The following SPIRE1 variants were observed in gnomAD, a reference collection of about 807,000 sequenced individuals.
SPIRE1 encodes spire type actin nucleation factor 1.
Under a neutral mutation model 94.1 loss-of-function variants are expected in SPIRE1, and 40 were observed. The ratio of observed to expected loss-of-function variants is 0.43; its 90% CI spans 0.33 to 0.55. The LOEUF (loss-of-function observed/expected upper bound fraction) is 0.55. SPIRE1 is among the 20% of genes least tolerant of loss of function. The pLI, the probability that SPIRE1 is intolerant of heterozygous loss-of-function variation, is 0.06. For synonymous variants in SPIRE1, 376 were observed against 371.7 expected, an observed-to-expected ratio of 1.01 and a Z score of -0.13; for missense variants, 838 against 975.2, an observed-to-expected ratio of 0.86 and a Z score of 1.87.
chr18:12,516,221 G>A (rs144210019), intron 4 of SPIRE1: 1 of 152,192 alleles, frequency 6.6e-6, no homozygotes, highest in Non-Finnish European at 1.5e-5. Context: ...CATCCCATAC[G>A]GTTTGAGCAG....
chr18:12,651,692 A>C (rs544339780), intron 1 of SPIRE1, among the ~76,000 whole-genome samples: 2 of 152,144 alleles, frequency 1.3e-5, no homozygotes, highest in South Asian at 2.1e-4. Context: ...AAAACAAAAA[A>C]AACATATTTT....
intron 2 of SPIRE1, among the ~76,000 whole-genome samples, chr18:12,564,068 T>C (rs1365209221): frequency 1.3e-5 from 2 of 152,222 alleles, no homozygotes; most frequent in Non-Finnish European, 2.9e-5. Flanking sequence ...ACAAAAAGCA[T>C]AGTTTTACAA....
chr18:12,503,118 GAA>G lies in SPIRE1; in HGVS notation c.972+3357_972+3358del, dbSNP rs200503459. ...AGTGAGACTCTGTCTCAAAAAAAAA[GAA>G]AAAAAAAAAAAGGAAATACCCTGTG... On this transcript the variant is annotated intron_variant, in intron 6 of 16. Transcript: ENST00000409402. Among the ~76,000 whole-genome samples, 900 of 134,288 alleles carry G rather than the reference GAA, an allele frequency of 6.7e-3. 6 individuals are homozygous for G. The highest frequency in any genetic ancestry group is 0.022 in the African/African-American group (852 of 38,522). The allele number at this position is 134,288 out of a possible 152,430, so 88.1% of individuals were successfully genotyped here.
intron 5 of SPIRE1, 136 bp from the exon 6 acceptor site, chr18:12,506,777 A>G: frequency 1.1e-6 from 1 of 884,132 alleles, no homozygotes; most frequent in Non-Finnish European, 1.7e-6. Context: ...TTTAAAAATT[A>G]GATTTTGGGT....
intron 12 of SPIRE1, among the ~76,000 whole-genome samples, chr18:12,457,867 T>TG (rs1247861991): frequency 1.4e-5 from 2 of 145,888 alleles, no homozygotes; most frequent in East Asian, 4.0e-4. Flanking sequence ...TTTTTTGAGA[T>TG]GGAGTCTCGC....
chr18:12,559,462 G>A lies in SPIRE1; in HGVS notation c.373-12558C>T, dbSNP rs906647604. Among the ~76,000 whole-genome samples the A allele has an allele frequency of 4.6e-5, 7 of 152,102 alleles. No individual in the cohort carries two copies. The highest frequency in any genetic ancestry group is 2.1e-4 in the South Asian group (1 of 4,824). ...ACGCGCAGCCCTGGTTGCCACCCGCGCCTCTCCCTCCACACCTCCCTGCAA... is the reference window on the plus strand; with the variant it reads ...ACGCGCAGCCCTGGTTGCCACCCGCACCTCTCCCTCCACACCTCCCTGCAA... On this transcript the variant is annotated intron_variant, in intron 2 of 16. Coordinates refer to ENST00000409402, the MANE Select transcript of SPIRE1 (RefSeq NM_001128626.2). This position sits in a 1 kb window ranked among gnomAD's most constrained non-coding sequence, Gnocchi z 4.7.
At chr18:12,464,752 T>C (rs2032018549) in intron 11 of SPIRE1, 116 bp downstream of exon 11, 1 of 761,488 alleles carries the variant, frequency 1.3e-6, no homozygotes, top group Non-Finnish European at 2.2e-6. Flanking sequence ...GTGAAATGCC[T>C]GAGTTAGTTC....
upstream of SPIRE1, chr18:12,658,175 C>G: frequency 1.2e-6 from 1 of 827,576 alleles, no homozygotes; most frequent in Non-Finnish European, 1.6e-6. Flanking sequence ...CCTTAGGGGG[C>G]CGCACGGGCC....
At chr18:12,564,764 G>T (rs538570904) in intron 2 of SPIRE1, among the ~76,000 whole-genome samples, 190 of 152,068 alleles carry the variant, frequency 1.2e-3, no homozygotes, top group African/African-American at 4.5e-3. Flanking sequence ...GCAATCCTGA[G>T]AATTAAAAAA....
intron 2 of SPIRE1, among the ~76,000 whole-genome samples, chr18:12,571,259 G>A (rs926250135): frequency 6.6e-6 from 1 of 152,062 alleles, no homozygotes; most frequent in Admixed American, 6.6e-5. Flanking sequence ...ATTTTTAGTA[G>A]AGATGAGGTT....
At chr18:12,602,883 C>T (rs1191340484) in intron 2 of SPIRE1, among the ~76,000 whole-genome samples, 1 of 152,176 alleles carries the variant, frequency 6.6e-6, no homozygotes, top group African/African-American at 2.4e-5. Context: ...GGTCAACGGC[C>T]TAGTTATGTA....
At chr18:12,483,944 C>T (rs1172316521) in intron 9 of SPIRE1, among the ~76,000 whole-genome samples, 1 of 152,102 alleles carries the variant, frequency 6.6e-6, no homozygotes, top group Non-Finnish European at 1.5e-5. Context: ...TACATGAAGA[C>T]ATGAAATAAA....
chr18:12,533,961 ACACACAC>A (rs1414105294), intron 4 of SPIRE1, among the ~76,000 whole-genome samples: 5 of 151,590 alleles, frequency 3.3e-5, no homozygotes, highest in Non-Finnish European at 1.5e-5. Context: ...ACACACACAC[ACACACAC>A]AACTTATTTA....
intron 8 of SPIRE1, among the ~76,000 whole-genome samples, chr18:12,489,593 T>G (rs982370218): frequency 6.6e-6 from 1 of 152,142 alleles, no homozygotes; most frequent in Non-Finnish European, 1.5e-5. Flanking sequence ...CAAAGACTGA[T>G]GTACAAGAAT....
Position 12,479,587 on chromosome 18 carries a change from G to GA in SPIRE1, c.1404+111dup. The stretch of plus-strand genomic sequence containing the variant: ...AATTTTAATCCTAGCTTTACTGGTT[G>GA]AAAAATGGGAAGAGATTAAGCAACA... On this transcript the variant is annotated intron_variant, in intron 10 of 16. Transcript: ENST00000409402. 3.0e-6 allele frequency: 3 copies of GA among 1,013,678 alleles called. No homozygotes were observed. In the Admixed American group the frequency reaches 8.2e-5, roughly 28 times the overall value. The allele number at this position is 1,013,678 out of a possible 1,614,324, so 62.8% of individuals were successfully genotyped here.
At chr18:12,522,515 A>G (rs2034391480) in intron 4 of SPIRE1, among the ~76,000 whole-genome samples, 1 of 152,242 alleles carries the variant, frequency 6.6e-6, no homozygotes, top group Non-Finnish European at 1.5e-5. Flanking sequence ...TAACTGATGA[A>G]GGTAGCTACA....
At chr18:12,466,698 T>A (rs1367873649) in intron 10 of SPIRE1, among the ~76,000 whole-genome samples, 3 of 152,194 alleles carry the variant, frequency 2.0e-5, no homozygotes, top group Non-Finnish European at 4.4e-5. Context: ...TTTTTTAATT[T>A]AAAAAATTTT....
intron 2 of SPIRE1, among the ~76,000 whole-genome samples, chr18:12,554,373 C>T (rs2035442038): frequency 6.6e-6 from 1 of 151,506 alleles, no homozygotes; most frequent in Non-Finnish European, 1.5e-5. Flanking sequence ...ACAACTACAT[C>T]CCAATAAATT....
At chr18:12,474,554 G>A (rs1045971242) in intron 10 of SPIRE1, among the ~76,000 whole-genome samples, 1 of 152,168 alleles carries the variant, frequency 6.6e-6, no homozygotes, top group Non-Finnish European at 1.5e-5. Flanking sequence ...AGGTGTGGTG[G>A]CTCATGCTTG....
Sources: allele counts gnomAD v4.1 joint callset (sites outside exome capture counted in the v4.1 genomes callset), GRCh38; gene constraint gnomAD v4.1.1; non-coding constraint Gnocchi (gnomAD v3.1); transcripts MANE v1.5; gene names NCBI Gene and HGNC (gene_info 2026-07-23, HGNC 2026-07-21).